ATP6V1B1: variants seen among roughly 807,000 people sequenced by gnomAD.
ATP6V1B1 encodes the protein V-type proton ATPase subunit B, kidney isoform.
In ATP6V1B1, 41 loss-of-function variants were observed where a neutral mutation model predicts 62.1. That is an observed-to-expected ratio of 0.66 (90% CI 0.51 to 0.86). The LOEUF (loss-of-function observed/expected upper bound fraction) is 0.86, where lower values mean the gene tolerates loss of function less well. ATP6V1B1 is among the 40% of genes least tolerant of loss of function. The probability of loss-of-function intolerance (pLI) is 0.00; values close to 1 mark genes in which losing one functional copy is unlikely to be tolerated. For missense variants in ATP6V1B1, 651 were observed against 697.5 expected (o/e 0.93, Z 0.75); for synonymous variants, 253 against 273.4 (o/e 0.93, Z 0.74).
At chr2:70,944,170 C>G in intron 2 of ATP6V1B1, 1 of 1,286,894 alleles carries the variant, frequency 7.8e-7, no homozygotes, top group Non-Finnish European at 1.0e-6. Flanking sequence ...ACTAAATTTT[C>G]TAGGGATCTT....
Position 70,963,388 on chromosome 2 carries a change from C to T in ATP6V1B1, c.1060+76C>T, listed in dbSNP as rs566946422. 19 of 1,606,682 alleles carry T rather than the reference C, an allele frequency of 1.2e-5. No individual in the cohort carries two copies. In the Admixed American group the frequency reaches 2.5e-4, roughly 21 times the overall value. On this transcript the variant is annotated intron_variant, in intron 10 of 13. Transcript: ENST00000234396. The surrounding 1 kb of genome is among the most constrained non-coding windows in gnomAD (Gnocchi z 4.3). ...TCCAACCAGATACTTAAAGGGCCCA[C>T]GTTGCTTTGCACAGATGTGCAGCAG...
intron 6 of ATP6V1B1, 55 bp from the exon 7 acceptor site, chr2:70,960,866 G>A: frequency 6.7e-7 from 1 of 1,502,400 alleles, no homozygotes; most frequent in Non-Finnish European, 9.1e-7. Flanking sequence ...GTGCTCAGTG[G>A]GACAGGGGTC....
chr2:70,965,161 A>G lies in ATP6V1B1; in HGVS notation c.*40A>G. The G allele has an allele frequency of 1.9e-6, 3 of 1,598,088 alleles. No homozygotes were observed. Among genetic ancestry groups the G allele is most frequent in the Non-Finnish European group, 1.7e-6 (2 of 1,178,446 alleles). ...GCACCCCAACACCGGCAGGGAACCT[A>G]CCCTCGGCTCCCGGGTCTCCCCTCC... On this transcript the variant is annotated 3_prime_UTR_variant, in exon 14 of 14. Coordinates refer to ENST00000234396, the MANE Select transcript of ATP6V1B1 (RefSeq NM_001692.4).
At chr2:70,944,264 C>T (rs1553416935) in intron 2 of ATP6V1B1, 2 of 1,273,018 alleles carry the variant, frequency 1.6e-6, no homozygotes, top group Admixed American at 4.8e-5. Flanking sequence ...GGTAAGTGGG[C>T]TGTGGGCTAT....
intron 1 of ATP6V1B1, among the ~76,000 whole-genome samples, chr2:70,936,334 G>C (rs1336128853): frequency 6.6e-6 from 1 of 152,132 alleles, no homozygotes; most frequent in Non-Finnish European, 1.5e-5. Flanking sequence ...GCCCAATCCT[G>C]CTGTAACACC....
At chr2:70,953,385 G>T (rs530116922) in intron 2 of ATP6V1B1, among the ~76,000 whole-genome samples, 87 of 151,870 alleles carry the variant, frequency 5.7e-4, no homozygotes, top group African/African-American at 1.8e-3. Flanking sequence ...GGGTTTTTTT[G>T]ACTTTTTTCA....
intron 2 of ATP6V1B1, among the ~76,000 whole-genome samples, chr2:70,950,485 TA>T (rs1680297884): frequency 6.8e-6 from 1 of 146,966 alleles, no homozygotes; most frequent in Non-Finnish European, 1.5e-5. Context: ...TGTTATTCCA[TA>T]ATTTTTTTTT....
intron 6 of ATP6V1B1, 28 bp downstream of exon 6, chr2:70,960,106 G>T (rs1680550737): frequency 6.2e-7 from 1 of 1,613,696 alleles, no homozygotes; most frequent in East Asian, 2.2e-5. Flanking sequence ...AGCAGGCATG[G>T]CTGGGGGAGG....
intron 7 of ATP6V1B1, 137 bp from the exon 8 acceptor site, chr2:70,961,459 C>T: frequency 1.1e-6 from 1 of 884,682 alleles, no homozygotes; most frequent in Non-Finnish European, 1.8e-6. Context: ...CGGGGTCACC[C>T]CATGGCCTTG....
intron 2 of ATP6V1B1, among the ~76,000 whole-genome samples, chr2:70,944,764 G>T (rs1680110881): frequency 2.0e-5 from 3 of 151,216 alleles, no homozygotes; most frequent in South Asian, 4.2e-4. Flanking sequence ...CGCCCTCCAG[G>T]TTCACGCTAT....
chr2:70,964,895 A>G (rs1572924652), intron 13 of ATP6V1B1, 30 bp downstream of exon 13: 1 of 1,614,014 alleles, frequency 6.2e-7, no homozygotes, highest in Non-Finnish European at 8.5e-7. Flanking sequence ...TGGAGCCAGT[A>G]ACCTCTTCAC....
intron 2 of ATP6V1B1, chr2:70,944,127 C>A (rs112803585): frequency 3.9e-6 from 5 of 1,280,460 alleles, no homozygotes; most frequent in Non-Finnish European, 4.1e-6. Flanking sequence ...CTTCTTTTAA[C>A]GGGAAAGAGG....
chr2:70,963,101 C>T lies in ATP6V1B1; in HGVS notation c.910-61C>T, dbSNP rs1203808233. ...TCACAGGGTCACTGAACCTCCCACCCACCCTTCCTAGCTTCAGCCTCTCAT... is the reference window on the plus strand; with the variant it reads ...TCACAGGGTCACTGAACCTCCCACCTACCCTTCCTAGCTTCAGCCTCTCAT... On this transcript the variant is annotated intron_variant, in intron 9 of 13. Transcript: ENST00000234396. This position sits in a 1 kb window ranked among gnomAD's most constrained non-coding sequence, Gnocchi z 4.3. 3.1e-6 allele frequency: 5 copies of T among 1,611,840 alleles called. No homozygotes were observed. Among genetic ancestry groups the T allele is most frequent in the Non-Finnish European group, 4.2e-6 (5 of 1,178,692 alleles).
chr2:70,941,282 C>T, intron 1 of ATP6V1B1: 1 of 985,272 alleles, frequency 1.0e-6, no homozygotes. Flanking sequence ...CAACGATGAG[C>T]ACCACAGATG....
intron 2 of ATP6V1B1, among the ~76,000 whole-genome samples, chr2:70,947,970 G>A (rs1680225946): frequency 6.6e-6 from 1 of 152,140 alleles, no homozygotes; most frequent in African/African-American, 2.4e-5. Flanking sequence ...AACTGGTCAT[G>A]AGATCCCACC....
At chr2:70,946,246 C>A (rs1680171842) in intron 2 of ATP6V1B1, among the ~76,000 whole-genome samples, 5 of 152,206 alleles carry the variant, frequency 3.3e-5, no homozygotes, top group Admixed American at 3.3e-4. Context: ...TCTTTGCTAA[C>A]AAACAGATTC....
chr2:70,953,944 A>C (rs1267846360), intron 2 of ATP6V1B1, among the ~76,000 whole-genome samples: 1 of 152,160 alleles, frequency 6.6e-6, no homozygotes, highest in Non-Finnish European at 1.5e-5. Flanking sequence ...AAAATTGTTC[A>C]TAGTTCATCT....
intron 2 of ATP6V1B1, among the ~76,000 whole-genome samples, chr2:70,951,762 G>A (rs1680327630): frequency 6.6e-6 from 1 of 152,086 alleles, no homozygotes; most frequent in Non-Finnish European, 1.5e-5. Flanking sequence ...AGCTGGGTGT[G>A]GTGGCACATG....
chr2:70,943,632 C>A, intron 1 of ATP6V1B1, 26 bp from the exon 2 acceptor site: 2 of 1,609,506 alleles, frequency 1.2e-6, no homozygotes, highest in Non-Finnish European at 1.7e-6. Context: ...GGGTGAGACC[C>A]CTACTCACCC....
Sources: allele counts gnomAD v4.1 joint callset (sites outside exome capture counted in the v4.1 genomes callset), GRCh38; gene constraint gnomAD v4.1.1; non-coding constraint Gnocchi (gnomAD v3.1); transcripts MANE v1.5; gene names NCBI Gene and HGNC (gene_info 2026-07-23, HGNC 2026-07-21).